PARD3B: variants seen among roughly 807,000 people sequenced by gnomAD.
PARD3B encodes the protein partitioning defective 3 homolog B.
Under a neutral mutation model 130.2 loss-of-function variants are expected in PARD3B, and 103 were observed. The observed-to-expected ratio is 0.79, with a 90% CI of 0.67 to 0.93. The LOEUF (loss-of-function observed/expected upper bound fraction) is 0.93, where lower values mean the gene tolerates loss of function less well. Among genes scored for constraint, PARD3B ranks in the 40% least tolerant of loss-of-function variants. PARD3B has a pLI of 0.00. For synonymous variants in PARD3B, 583 were observed against 553.2 expected (o/e 1.05, Z -0.76); for missense variants, 1,609 against 1,499.2 (o/e 1.07, Z -1.21).
chr2:205,327,441 G>A (rs1240177908), intron 18 of PARD3B, among the ~76,000 whole-genome samples: 1 of 152,166 alleles, frequency 6.6e-6, no homozygotes. Flanking sequence ...ACTGTTCTGA[G>A]TTCTGTACAT....
chr2:204,645,611 T>G (rs1292931939), intron 1 of PARD3B, among the ~76,000 whole-genome samples: 1 of 152,116 alleles, frequency 6.6e-6, no homozygotes. Flanking sequence ...GCTGTCAAGT[T>G]GTGGTGTCAG....
At chr2:205,058,163 T>C (rs1699850359) in intron 4 of PARD3B, among the ~76,000 whole-genome samples, 1 of 151,848 alleles carries the variant, frequency 6.6e-6, no homozygotes, top group South Asian at 2.1e-4. Flanking sequence ...AATCATGCAG[T>C]ATTTGTCCTT....
chr2:204,576,662 A>G (rs2032277257), intron 1 of PARD3B, among the ~76,000 whole-genome samples: 1 of 152,168 alleles, frequency 6.6e-6, no homozygotes, highest in South Asian at 2.1e-4. Context: ...GTTATATTAT[A>G]TAATGGAATC....
intron 3 of PARD3B, among the ~76,000 whole-genome samples, chr2:204,975,664 G>A (rs13428786): frequency 0.027 from 4,139 of 152,282 alleles, 182 homozygotes; most frequent in African/African-American, 0.094. Context: ...CTCTAAAGCT[G>A]TAGGCTGTAC....
At chr2:205,379,412 G>C (rs181469941) in intron 18 of PARD3B, among the ~76,000 whole-genome samples, 97 of 152,004 alleles carry the variant, frequency 6.4e-4, no homozygotes, top group Non-Finnish European at 1.0e-4. Context: ...AATCTTTAGG[G>C]ACGAATCCAG....
chr2:205,127,666 C>G (rs549271281), intron 10 of PARD3B, among the ~76,000 whole-genome samples: 2 of 152,260 alleles, frequency 1.3e-5, no homozygotes, highest in East Asian at 3.9e-4. Flanking sequence ...TTCCCATCAT[C>G]TTACCCATTT....
intron 2 of PARD3B, among the ~76,000 whole-genome samples, chr2:204,751,401 C>G (rs2040461855): frequency 6.6e-6 from 1 of 152,194 alleles, no homozygotes; most frequent in African/African-American, 2.4e-5. Context: ...TCCTGGGGCC[C>G]TCTGGGCAGG....
At chr2:204,858,018 TTTA>T (rs1409759767) in intron 2 of PARD3B, among the ~76,000 whole-genome samples, 1 of 152,132 alleles carries the variant, frequency 6.6e-6, no homozygotes, top group East Asian at 1.9e-4. Flanking sequence ...TTCAATGGAA[TTTA>T]TCTGGGTTCA....
rs539269342 is a variant in PARD3B, at chr2:205,463,308, G to A, written c.3044+22636G>A. Among the ~76,000 whole-genome samples the A allele has an allele frequency of 6.8e-4, 104 of 152,276 alleles. No individual in the cohort carries two copies. Among genetic ancestry groups the A allele is most frequent in the Non-Finnish European group, 1.3e-3 (89 of 68,010 alleles). On this transcript the variant is annotated intron_variant, in intron 20 of 22. Transcript: ENST00000406610. This position sits in a 1 kb window ranked among gnomAD's most constrained non-coding sequence, Gnocchi z 4.8. ...TCAGTTAGGGGAACTCAGCTGAGGTGAGGAACACGTCCACGAGTTTCCCCT... is the reference window on the plus strand; with the variant it reads ...TCAGTTAGGGGAACTCAGCTGAGGTAAGGAACACGTCCACGAGTTTCCCCT...
chr2:204,895,541 A>G (rs1351495026), intron 2 of PARD3B, among the ~76,000 whole-genome samples: 9 of 152,086 alleles, frequency 5.9e-5, no homozygotes, highest in Non-Finnish European at 7.4e-5. Flanking sequence ...ATACTATCAC[A>G]TATTTTTGTA....
At chr2:204,827,579 A>G (rs1418524993) in intron 2 of PARD3B, among the ~76,000 whole-genome samples, 1 of 152,186 alleles carries the variant, frequency 6.6e-6, no homozygotes, top group Non-Finnish European at 1.5e-5. Flanking sequence ...CACTTTTAGG[A>G]TAACAAAACT....
rs34113084 is a variant in PARD3B at position 205,280,164 on chromosome 2, GA to G, written c.2186-20359del. ...TAGCTCTCATATAATACCTTTCAGG[GA>G]AAAAAATTGCTTTAGGACAAAATAA... On this transcript the variant is annotated intron_variant, in intron 16 of 22. Coordinates refer to ENST00000406610, the MANE Select transcript of PARD3B (RefSeq NM_001302769.2). The surrounding 1 kb of genome is among the most constrained non-coding windows in gnomAD (Gnocchi z 4.7). 2.6e-5 allele frequency among the ~76,000 whole-genome samples: 4 copies of G among 152,060 alleles called. No individual in the cohort carries two copies. Among genetic ancestry groups the G allele is most frequent in the Admixed American group, 1.3e-4 (2 of 15,278 alleles).
chr2:205,441,523 AG>A (rs889360629), intron 20 of PARD3B, among the ~76,000 whole-genome samples: 2 of 152,174 alleles, frequency 1.3e-5, no homozygotes, highest in African/African-American at 4.8e-5. Context: ...GTGGGGAAGA[AG>A]GGTAGCAGGC....
At chr2:204,683,766 T>C (rs558551464) in intron 1 of PARD3B, among the ~76,000 whole-genome samples, 2 of 152,338 alleles carry the variant, frequency 1.3e-5, no homozygotes, top group South Asian at 4.1e-4. Flanking sequence ...GCAATATCAA[T>C]GTGGAATAGG....
chr2:205,331,960 C>A lies in PARD3B; in HGVS notation c.2630+30259C>A, dbSNP rs138659932. Among the ~76,000 whole-genome samples the A allele has an allele frequency of 5.1e-3, 776 of 151,842 alleles. 7 individuals carry two copies. The highest frequency in any genetic ancestry group is 0.018 in the African/African-American group (729 of 41,352). ...CTCAACTAAAAATACAAAAAATTAG[C>A]CTGGTGTGGTGGTGTGAGCCTGTAA... is the stretch of plus-strand genomic sequence containing the variant. On this transcript the variant is annotated intron_variant, in intron 18 of 22. Coordinates refer to ENST00000406610, the MANE Select transcript of PARD3B (RefSeq NM_001302769.2).
At chr2:204,849,605 T>G (rs1000647965) in intron 2 of PARD3B, among the ~76,000 whole-genome samples, 1 of 152,222 alleles carries the variant, frequency 6.6e-6, no homozygotes, top group Non-Finnish European at 1.5e-5. Flanking sequence ...GCATAATCTT[T>G]AAAAGACTGC....
chr2:205,213,904 T>A (rs1290483869), intron 15 of PARD3B, among the ~76,000 whole-genome samples: 1 of 152,122 alleles, frequency 6.6e-6, no homozygotes, highest in African/African-American at 2.4e-5. Flanking sequence ...ATTTCCTAAT[T>A]GGAGGAATCT....
chr2:204,548,219 T>A (rs1300991717), intron 1 of PARD3B, among the ~76,000 whole-genome samples: 1 of 152,178 alleles, frequency 6.6e-6, no homozygotes, highest in Non-Finnish European at 1.5e-5. Flanking sequence ...TCATTTTTTT[T>A]AAATGAGAAA....
chr2:204,805,429 C>A (rs2042731824), intron 2 of PARD3B, among the ~76,000 whole-genome samples: 1 of 152,076 alleles, frequency 6.6e-6, no homozygotes, highest in Admixed American at 6.6e-5. Context: ...AAAACAAAAT[C>A]TCTTAGCAAA....
Sources: allele counts gnomAD v4.1 joint callset (sites outside exome capture counted in the v4.1 genomes callset), GRCh38; gene constraint gnomAD v4.1.1; non-coding constraint Gnocchi (gnomAD v3.1); transcripts MANE v1.5; gene names NCBI Gene and HGNC (gene_info 2026-07-23, HGNC 2026-07-21).